PATJ: variants seen among roughly 807,000 people sequenced by gnomAD.
PATJ encodes the protein PATJ crumbs cell polarity complex component, also known as inaD-like protein.
PATJ carries 190 observed loss-of-function variants against 224.9 expected under a neutral mutation model. The ratio of observed to expected loss-of-function variants is 0.84; its 90% confidence interval spans 0.75 to 0.95. The LOEUF is 0.95. Ranked by LOEUF, PATJ falls within the 40% of genes least tolerant of loss-of-function variation. PATJ has a pLI of 0.00. For synonymous variants in PATJ, 769 were observed against 820.3 expected (o/e 0.94, Z 1.07); for missense variants, 2,121 against 2,270.3 (o/e 0.93, Z 1.34).
chr1:62,068,552 C>T (rs1433052328), intron 31 of PATJ, among the ~76,000 whole-genome samples: 1 of 152,138 alleles, frequency 6.6e-6, no homozygotes, highest in Non-Finnish European at 1.5e-5. Context: ...TTGGAAAATC[C>T]GTAGAATATT....
chr1:62,049,243 T>TCTCACACACACACACACA (rs377535089), intron 30 of PATJ, among the ~76,000 whole-genome samples: 2 of 137,198 alleles, frequency 1.5e-5, no homozygotes, highest in African/African-American at 5.5e-5. Context: ...AAGTAAGCAA[T>TCTCACACACACACACACA]CACACACACA....
At chr1:61,838,032 C>A (rs1014918445) in intron 17 of PATJ, among the ~76,000 whole-genome samples, 2 of 152,076 alleles carry the variant, frequency 1.3e-5, no homozygotes, top group African/African-American at 4.8e-5. Context: ...TCATTAAAGA[C>A]ATTTTAAATT....
At chr1:62,015,164 C>T (rs1217102010) in intron 28 of PATJ, among the ~76,000 whole-genome samples, 1 of 151,772 alleles carries the variant, frequency 6.6e-6, no homozygotes, top group Non-Finnish European at 1.5e-5. Context: ...ATTAGCCGGG[C>T]TTGGTGGCGG....
chr1:62,060,333 G>A (rs1443641635), intron 31 of PATJ, among the ~76,000 whole-genome samples: 3 of 152,052 alleles, frequency 2.0e-5, no homozygotes, highest in Non-Finnish European at 2.9e-5. Flanking sequence ...TGACTGGGCT[G>A]ACTTTTTTTA....
intron 32 of PATJ, among the ~76,000 whole-genome samples, chr1:62,082,510 G>A (rs187437533): frequency 5.5e-4 from 83 of 152,186 alleles, no homozygotes; most frequent in Admixed American, 1.4e-3. Context: ...CTTAGTTAGA[G>A]CAGAACCCCC....
At chr1:62,071,170 C>T (rs1657325667) in intron 31 of PATJ, among the ~76,000 whole-genome samples, 1 of 152,152 alleles carries the variant, frequency 6.6e-6, no homozygotes, top group Non-Finnish European at 1.5e-5. Context: ...GCATTTCCTA[C>T]AGGAGAAAAG....
At chr1:62,092,074 AAAATT>A (rs1180586225) in intron 33 of PATJ, among the ~76,000 whole-genome samples, 2 of 151,084 alleles carry the variant, frequency 1.3e-5, no homozygotes, top group Admixed American at 1.3e-4. Flanking sequence ...AAAAGGAAAG[AAAATT>A]AAATTAAGTG....
intron 41 of PATJ, among the ~76,000 whole-genome samples, chr1:62,141,539 G>T (rs1667495051): frequency 6.6e-6 from 1 of 152,034 alleles, no homozygotes; most frequent in African/African-American, 2.4e-5. Context: ...GCCAGGCATG[G>T]TGGCATGCAC....
chr1:61,999,894 G>T (rs1049793258), intron 28 of PATJ, among the ~76,000 whole-genome samples: 5 of 151,772 alleles, frequency 3.3e-5, no homozygotes, highest in Admixed American at 6.6e-5. Context: ...GTTTTTTTGG[G>T]TTTTTTTAGG....
At chr1:61,802,871 A>C (rs1652824105) in intron 12 of PATJ, among the ~76,000 whole-genome samples, 1 of 152,186 alleles carries the variant, frequency 6.6e-6, no homozygotes, top group Non-Finnish European at 1.5e-5. Flanking sequence ...GTGCTCTGGA[A>C]AGCCTCGCCA....
intron 28 of PATJ, among the ~76,000 whole-genome samples, chr1:61,993,306 G>A (rs960504846): frequency 6.6e-6 from 1 of 152,200 alleles, no homozygotes; most frequent in Admixed American, 6.5e-5. Flanking sequence ...ACAGATTGAG[G>A]TGTAAGTGAA....
intron 1 of PATJ, among the ~76,000 whole-genome samples, chr1:61,761,082 G>C (rs1022961299): frequency 6.6e-6 from 1 of 152,020 alleles, no homozygotes; most frequent in African/African-American, 2.4e-5. Flanking sequence ...GGGCTCAAGC[G>C]ATCCTCTCAC....
At chr1:61,874,282 A>G (rs1031896925) in intron 20 of PATJ, among the ~76,000 whole-genome samples, 1 of 151,818 alleles carries the variant, frequency 6.6e-6, no homozygotes, top group African/African-American at 2.4e-5. Context: ...GCTCACTGCA[A>G]CTTCTGCCTC....
At chr1:61,978,526 A>G (rs1453789434) in intron 27 of PATJ, among the ~76,000 whole-genome samples, 3 of 151,930 alleles carry the variant, frequency 2.0e-5, no homozygotes, top group Non-Finnish European at 4.4e-5. Flanking sequence ...CGGCCTCCCA[A>G]AGTGCTGGGA....
At chr1:62,075,912 C>T (rs1305116595) in intron 31 of PATJ, among the ~76,000 whole-genome samples, 2 of 145,702 alleles carry the variant, frequency 1.4e-5, no homozygotes, top group East Asian at 2.0e-4. Flanking sequence ...AGCGAGACTC[C>T]GTCTCAAAAA....
chr1:61,937,142 A>C (rs772135613), intron 27 of PATJ, among the ~76,000 whole-genome samples: 2 of 152,112 alleles, frequency 1.3e-5, no homozygotes, highest in Non-Finnish European at 2.9e-5. Context: ...ACACATATAC[A>C]CACAACATTT....
Position 62,012,024 on chromosome 1 carries a change from C to CA in PATJ, c.3868-5819dup, listed in dbSNP as rs552027685. On this transcript the variant is annotated intron_variant, in intron 28 of 43. Coordinates refer to ENST00000642238, the MANE Select transcript of PATJ (RefSeq NM_001350145.3). The stretch of plus-strand genomic sequence containing the variant: ...TCTGAATGACAGTGAGAACCTGTCT[C>CA]AAAAAAAAAAAAAGCAAGCAAAAAA... Among the ~76,000 whole-genome samples the CA allele has an allele frequency of 6.2e-3, 751 of 121,074 alleles. 1 individual carries two copies. Among genetic ancestry groups the CA allele is most frequent in the Middle Eastern group, 8.7e-3 (2 of 230 alleles). 79.4% of individuals were successfully genotyped at this position (121,074 alleles called of 152,430 possible).
chr1:62,120,178 G>A (rs1664884666), intron 37 of PATJ, among the ~76,000 whole-genome samples: 1 of 152,108 alleles, frequency 6.6e-6, no homozygotes, highest in Non-Finnish European at 1.5e-5. Flanking sequence ...TTTAAAAAAA[G>A]ATGAGTGATG....
At chr1:62,065,482 C>T (rs1656258736) in intron 31 of PATJ, among the ~76,000 whole-genome samples, 1 of 152,114 alleles carries the variant, frequency 6.6e-6, no homozygotes, top group South Asian at 2.1e-4. Context: ...ATAGTTGGCG[C>T]TTGCCTGTAA....
Sources: gnomAD v4.1 joint callset for allele counts (sites outside exome capture counted in the v4.1 genomes callset) on GRCh38, gnomAD v4.1.1 for gene constraint, MANE v1.5 for transcripts, NCBI Gene and HGNC (gene_info 2026-07-23, HGNC 2026-07-21) for gene names.